TAFA1: variants seen among roughly 807,000 people sequenced by gnomAD.
TAFA1 encodes the protein TAFA chemokine like family member 1.
In TAFA1, 4 loss-of-function variants were observed where a neutral mutation model predicts 18.5. That is an observed-to-expected ratio of 0.22 (90% CI 0.11 to 0.49). The LOEUF is 0.49. Among genes scored for constraint, TAFA1 ranks in the 20% least tolerant of loss-of-function variants. The pLI, the probability that TAFA1 is intolerant of heterozygous loss-of-function variation, is 0.98. For missense variants in TAFA1, 147 were observed against 169.0 expected (o/e 0.87, Z 0.72); for synonymous variants, 56 against 55.2 (o/e 1.01, Z -0.06).
intron 2 of TAFA1, among the ~76,000 whole-genome samples, chr3:68,359,858 A>C (rs2069437812): frequency 1.3e-5 from 2 of 151,996 alleles, no homozygotes; most frequent in African/African-American, 4.8e-5. Flanking sequence ...TTCTAGTTTT[A>C]TAAGGAAGCA....
At chr3:68,461,666 C>G (rs1282068925) in intron 3 of TAFA1, among the ~76,000 whole-genome samples, 1 of 151,582 alleles carries the variant, frequency 6.6e-6, no homozygotes, top group East Asian at 2.0e-4. Flanking sequence ...GAAACCCTGT[C>G]TCAGTTATGT....
chr3:68,464,069 CA>C (rs1189805135), intron 3 of TAFA1, among the ~76,000 whole-genome samples: 4 of 152,074 alleles, frequency 2.6e-5, no homozygotes, highest in African/African-American at 9.7e-5. Flanking sequence ...TTTTTATAGA[CA>C]AAGGAACATT....
intron 2 of TAFA1, among the ~76,000 whole-genome samples, chr3:68,067,759 C>T (rs1185545547): frequency 2.0e-5 from 3 of 152,050 alleles, no homozygotes; most frequent in African/African-American, 7.2e-5. Flanking sequence ...TCCTTCCTTT[C>T]TTCCCTCTTT....
intron 2 of TAFA1, among the ~76,000 whole-genome samples, chr3:68,024,805 G>GCACGCACACACA (rs1214357739): frequency 1.6e-4 from 12 of 73,582 alleles, no homozygotes; most frequent in Non-Finnish European, 3.1e-4. Flanking sequence ...TCTCCTTAAT[G>GCACGCACACACA]CACACACACA....
intron 3 of TAFA1, among the ~76,000 whole-genome samples, chr3:68,468,859 T>C (rs2071938866): frequency 6.6e-6 from 1 of 152,236 alleles, no homozygotes; most frequent in South Asian, 2.1e-4. Context: ...GAAAGACGTA[T>C]GTTTGCTGTC....
intron 2 of TAFA1, among the ~76,000 whole-genome samples, chr3:68,245,707 AC>A (rs2067064751): frequency 3.3e-5 from 5 of 152,220 alleles, no homozygotes; most frequent in African/African-American, 1.2e-4. Flanking sequence ...TGCTTCCTCT[AC>A]TGATTACTTG....
intron 2 of TAFA1, among the ~76,000 whole-genome samples, chr3:68,410,979 A>G (rs1436994502): frequency 1.5e-4 from 23 of 152,290 alleles, no homozygotes; most frequent in Non-Finnish European, 2.9e-5. Context: ...TAAAATACAC[A>G]TTTCCTAATT....
At chr3:68,257,578 G>T (rs777926719) in intron 2 of TAFA1, among the ~76,000 whole-genome samples, 9 of 151,998 alleles carry the variant, frequency 5.9e-5, no homozygotes, top group Non-Finnish European at 1.0e-4. Flanking sequence ...TAATACTCAT[G>T]ATTTTATTTA....
chr3:68,460,061 C>T (rs2071746465), intron 3 of TAFA1, among the ~76,000 whole-genome samples: 1 of 152,008 alleles, frequency 6.6e-6, no homozygotes, highest in South Asian at 2.1e-4. Context: ...CCTTCAATCT[C>T]CCAGTATGGC....
At chr3:68,300,428 C>A (rs1021028512) in intron 2 of TAFA1, among the ~76,000 whole-genome samples, 2 of 152,164 alleles carry the variant, frequency 1.3e-5, no homozygotes, top group Non-Finnish European at 2.9e-5. Flanking sequence ...ATGCCGCTAC[C>A]CCCATTGTAT....
At chr3:68,162,540 C>A (rs2065937826) in intron 2 of TAFA1, among the ~76,000 whole-genome samples, 1 of 152,120 alleles carries the variant, frequency 6.6e-6, no homozygotes, top group South Asian at 2.1e-4. Context: ...TGGTCTGGAC[C>A]ACTCTGCTCA....
At chr3:68,006,459 C>T (rs1018918279) in intron 1 of TAFA1, 165 bp from the exon 2 acceptor site, 35 of 577,490 alleles carry the variant, frequency 6.1e-5, no homozygotes, top group Non-Finnish European at 9.4e-5. Flanking sequence ...AAAGGGCTTT[C>T]TCTCAATCCC....
In TAFA1 at chr3:68,370,241, T is replaced by TCACGC. The variant is rs796658628; in HGVS notation, c.119-47035_119-47031dup. On this transcript the variant is annotated intron_variant, in intron 2 of 4. Transcript: ENST00000478136. The stretch of plus-strand genomic sequence containing the variant: ...AGGCGGAGGTTGCAGTGAGCCAAGG[T>TCACGC]CACGCCACTTCATTCCAGCCTGGGC... Among the ~76,000 whole-genome samples the TCACGC allele has an allele frequency of 2.5e-3, 277 of 109,064 alleles. 2 individuals are homozygous for TCACGC. The highest frequency in any genetic ancestry group is 0.01 in the African/African-American group (266 of 26,556). 71.6% of individuals were successfully genotyped at this position (109,064 alleles called of 152,430 possible).
chr3:68,258,256 T>C (rs1425560110), intron 2 of TAFA1, among the ~76,000 whole-genome samples: 1 of 152,294 alleles, frequency 6.6e-6, no homozygotes, highest in East Asian at 1.9e-4. Flanking sequence ...TTCGCAACTT[T>C]CTGTAAATCT....
At chr3:68,543,716 C>T (rs1262894567) in intron 4 of TAFA1, among the ~76,000 whole-genome samples, 1 of 152,084 alleles carries the variant, frequency 6.6e-6, no homozygotes, top group African/African-American at 2.4e-5. Context: ...GAGTCTTCAA[C>T]TCTATTAGAA....
At chr3:68,273,308 G>A (rs896078989) in intron 2 of TAFA1, among the ~76,000 whole-genome samples, 1 of 152,234 alleles carries the variant, frequency 6.6e-6, no homozygotes, top group Non-Finnish European at 1.5e-5. Flanking sequence ...AGCAAGTCGG[G>A]GACAGTGGTA....
chr3:68,179,806 G>A (rs1284789452), intron 2 of TAFA1, among the ~76,000 whole-genome samples: 1 of 151,952 alleles, frequency 6.6e-6, no homozygotes, highest in Non-Finnish European at 1.5e-5. Flanking sequence ...GTCAAATAAG[G>A]TGACTTTGCT....
intron 2 of TAFA1, among the ~76,000 whole-genome samples, chr3:68,386,964 AATACAT>A (rs1468171382): frequency 2.0e-5 from 3 of 152,126 alleles, no homozygotes; most frequent in African/African-American, 7.2e-5. Context: ...TTGATATGGA[AATACAT>A]ATACTTGCCC....
intron 2 of TAFA1, among the ~76,000 whole-genome samples, chr3:68,061,311 A>T (rs981976338): frequency 2.0e-5 from 3 of 152,236 alleles, no homozygotes; most frequent in South Asian, 2.1e-4. Flanking sequence ...AAAAACAATT[A>T]TGGTGCTTGA....
Sources: allele counts gnomAD v4.1 joint callset (sites outside exome capture counted in the v4.1 genomes callset), GRCh38; gene constraint gnomAD v4.1.1; transcripts MANE v1.5; gene names NCBI Gene and HGNC (gene_info 2026-07-23, HGNC 2026-07-21).